The following KIRREL3 variants were observed in gnomAD, a reference collection of about 807,000 sequenced individuals.
KIRREL3 encodes kirre like nephrin family adhesion molecule 3, also known as kin of IRRE-like protein 3.
A neutral mutation model predicts 89.7 loss-of-function variants in KIRREL3; 36 were observed. The ratio of observed to expected loss-of-function variants is 0.40; its 90% CI spans 0.31 to 0.53. KIRREL3 has a LOEUF of 0.53. Among genes scored for constraint, KIRREL3 ranks in the 20% least tolerant of loss-of-function variants. KIRREL3 has a pLI of 0.49. For missense variants in KIRREL3, 864 were observed against 1,056.6 expected (o/e 0.82, Z 2.53); for synonymous variants, 445 against 441.4 (o/e 1.01, Z -0.10).
In KIRREL3 at chr11:126,812,159, C is replaced by A. The variant is rs539890711; in HGVS notation, c.55+188296G>T. Among the ~76,000 whole-genome samples the A allele has an allele frequency of 6.6e-6, 1 of 152,118 alleles. No homozygotes were observed. On this transcript the variant is annotated intron_variant, in intron 1 of 16. Transcript: ENST00000525144. The surrounding 1 kb of genome is among the most constrained non-coding windows in gnomAD (Gnocchi z 5.2). ...CTGCTTGCCATTTGCTACTATTTAA[C>A]CCATTCTTTCTATTGTGATCATAAG... is the stretch of plus-strand genomic sequence containing the variant.
At chr11:126,514,097 A>T (rs1958322966) in intron 4 of KIRREL3, among the ~76,000 whole-genome samples, 1 of 151,912 alleles carries the variant, frequency 6.6e-6, no homozygotes, top group African/African-American at 2.4e-5. Flanking sequence ...CCAGGAAGGG[A>T]GCTGGGAGCG....
Position 126,860,379 on chromosome 11 carries a change from G to C in KIRREL3, c.55+140076C>G, listed in dbSNP as rs890113901. On this transcript the variant is annotated intron_variant, in intron 1 of 16. Coordinates refer to ENST00000525144, the MANE Select transcript of KIRREL3 (RefSeq NM_032531.4). The surrounding 1 kb of genome is among the most constrained non-coding windows in gnomAD (Gnocchi z 4.6). ...GTTGCCTTTATTTATGTTTCAGGCA[G>C]AAAAGCTGGGAAAGTTATAGAAGTG... 5.3e-5 allele frequency among the ~76,000 whole-genome samples: 8 copies of C among 152,160 alleles called. No individual in the cohort carries two copies. Among genetic ancestry groups the C allele is most frequent in the African/African-American group, 1.9e-4 (8 of 41,432 alleles).
At chr11:126,599,033 T>C (rs1389021799) in intron 1 of KIRREL3, among the ~76,000 whole-genome samples, 1 of 152,202 alleles carries the variant, frequency 6.6e-6, no homozygotes, top group Middle Eastern at 3.2e-3. Context: ...TAAAGTCCCC[T>C]TGTGGGCTCC....
At chr11:126,998,264 C>G in intron 1 of KIRREL3, among the ~76,000 whole-genome samples, 1 of 152,174 alleles carries the variant, frequency 6.6e-6, no homozygotes, top group East Asian at 1.9e-4. Context: ...AAAAGATAAC[C>G]ATATCACATT....
Position 126,739,786 on chromosome 11 carries a change from G to A in KIRREL3, c.56-176874C>T, listed in dbSNP as rs1948919247. Among the ~76,000 whole-genome samples, 1 of 152,202 alleles carries A rather than the reference G, an allele frequency of 6.6e-6. No individual in the cohort carries two copies. Among genetic ancestry groups the A allele is most frequent in the Non-Finnish European group, 1.5e-5 (1 of 68,038 alleles). On this transcript the variant is annotated intron_variant, in intron 1 of 16. Transcript: ENST00000525144. This position sits in a 1 kb window ranked among gnomAD's most constrained non-coding sequence, Gnocchi z 5.5. ...ACTGCAAATCAGGCAGCATGTATCA[G>A]AGTTTAAAAACCTCAGGGAGTTTTG...
intron 1 of KIRREL3, among the ~76,000 whole-genome samples, chr11:126,713,333 G>A (rs1326459356): frequency 1.3e-5 from 2 of 152,262 alleles, no homozygotes; most frequent in African/African-American, 4.8e-5. Context: ...TAGCATCACT[G>A]AAGCAAAGCA....
At chr11:126,922,224 A>T (rs926775306) in intron 1 of KIRREL3, among the ~76,000 whole-genome samples, 2 of 151,418 alleles carry the variant, frequency 1.3e-5, no homozygotes, top group African/African-American at 2.4e-5. Flanking sequence ...GCTAACCCTA[A>T]CCTGCTTGTC....
intron 1 of KIRREL3, among the ~76,000 whole-genome samples, chr11:126,572,895 T>C (rs957635781): frequency 1.3e-5 from 2 of 152,142 alleles, no homozygotes; most frequent in African/African-American, 4.8e-5. Context: ...TTTAAAGAAT[T>C]GATCACTGGA....
In KIRREL3 at chr11:126,797,623, T is replaced by C. The variant is rs1179087777; in HGVS notation, c.55+202832A>G. On this transcript the variant is annotated intron_variant, in intron 1 of 16. Coordinates refer to ENST00000525144, the MANE Select transcript of KIRREL3 (RefSeq NM_032531.4). The surrounding 1 kb of genome is among the most constrained non-coding windows in gnomAD (Gnocchi z 4.9). Reference sequence around the variant, plus strand: ...GCCTGTGACAGCTGGGGCTGTGTGATGGGGCTTCTGATGGGGCCCTGGCAG... The same window carrying C: ...GCCTGTGACAGCTGGGGCTGTGTGACGGGGCTTCTGATGGGGCCCTGGCAG... Among the ~76,000 whole-genome samples, 1 of 152,128 alleles carries C rather than the reference T, an allele frequency of 6.6e-6. No individual in the cohort carries two copies. The highest frequency in any genetic ancestry group is 1.5e-5 in the Non-Finnish European group (1 of 68,018).
At chr11:126,436,747 A>G in intron 12 of KIRREL3, 64 bp downstream of exon 12, 1 of 1,569,244 alleles carries the variant, frequency 6.4e-7, no homozygotes, top group African/African-American at 1.3e-5. Flanking sequence ...GCCCTGACCT[A>G]GGTGAGGAGA....
At chr11:126,481,838 G>C (rs537485901) in intron 4 of KIRREL3, among the ~76,000 whole-genome samples, 40 of 152,194 alleles carry the variant, frequency 2.6e-4, no homozygotes, top group Non-Finnish European at 4.7e-4. Flanking sequence ...CACCCACCAT[G>C]TGCTGAATGT....
chr11:126,627,188 A>G lies in KIRREL3; in HGVS notation c.56-64276T>C, dbSNP rs529887500. Among the ~76,000 whole-genome samples the G allele has an allele frequency of 6.6e-6, 1 of 152,276 alleles. No individual in the cohort carries two copies. The highest frequency in any genetic ancestry group is 2.1e-4 in the South Asian group (1 of 4,824). ...ATAAGCATAAGGAGGTGGAGGTGAG[A>G]GAATTTCAGACTGAGGAACTGAAAG... is the stretch of plus-strand genomic sequence containing the variant. On this transcript the variant is annotated intron_variant, in intron 1 of 16. Transcript: ENST00000525144. The surrounding 1 kb of genome is among the most constrained non-coding windows in gnomAD (Gnocchi z 5.0).
rs568468032 is a variant in KIRREL3 at position 126,561,716 on chromosome 11, T to C, written c.133+1119A>G. ...CTGTTGGCTTCAGGCAGGCAGCAAA[T>C]GGGGGAGGTGATCACTTCCTGTGCT... On this transcript the variant is annotated intron_variant, in intron 2 of 16. Transcript: ENST00000525144. This position sits in a 1 kb window ranked among gnomAD's most constrained non-coding sequence, Gnocchi z 4.5. 2.0e-5 allele frequency among the ~76,000 whole-genome samples: 3 copies of C among 152,148 alleles called. No homozygotes were observed. The South Asian group carries it at 6.2e-4, about 32-fold the overall frequency.
In KIRREL3 at chr11:126,697,151, C is replaced by G. The variant is rs1947130766; in HGVS notation, c.56-134239G>C. Among the ~76,000 whole-genome samples, 1 of 152,186 alleles carries G rather than the reference C, an allele frequency of 6.6e-6. No homozygotes were observed. The highest frequency in any genetic ancestry group is 2.4e-5 in the African/African-American group (1 of 41,452). ...TTGCAAATGAAGGCTTAGTCACTTC[C>G]TCCGCTGGTCCCCCAGACCTGTGTT... On this transcript the variant is annotated intron_variant, in intron 1 of 16. Transcript: ENST00000525144. This position sits in a 1 kb window ranked among gnomAD's most constrained non-coding sequence, Gnocchi z 4.2.
intron 1 of KIRREL3, among the ~76,000 whole-genome samples, chr11:126,922,133 A>ATCTG (rs1357975699): frequency 1.4e-5 from 2 of 139,322 alleles, no homozygotes; most frequent in Admixed American, 1.4e-4. Flanking sequence ...CTATCTATCT[A>ATCTG]TCTATCTATC....
Position 126,474,323 on chromosome 11 carries a change from A to G in KIRREL3, c.434-857T>C, listed in dbSNP as rs1295693661. ...TCCTCACAACAGTCTGGTGAGGTCA[A>G]CATTACCACCCCAATGACACAGATC... On this transcript the variant is annotated intron_variant, in intron 4 of 16. Transcript: ENST00000525144. This position sits in a 1 kb window ranked among gnomAD's most constrained non-coding sequence, Gnocchi z 6.7. Among the ~76,000 whole-genome samples, 3 of 152,204 alleles carry G rather than the reference A, an allele frequency of 2.0e-5. No individual in the cohort carries two copies. Among genetic ancestry groups the G allele is most frequent in the Non-Finnish European group, 2.9e-5 (2 of 68,034 alleles).
rs945770526 is a variant in KIRREL3, at chr11:126,526,847, C to G, written c.134-160G>C. Reference sequence around the variant, plus strand: ...GGTCTGGTAGAGCTTCCTAACTGGTCTCAGCCCCAGCTCTATTCCCTCCTA... The same window carrying G: ...GGTCTGGTAGAGCTTCCTAACTGGTGTCAGCCCCAGCTCTATTCCCTCCTA... On this transcript the variant is annotated intron_variant, in intron 2 of 16. Coordinates refer to ENST00000525144, the MANE Select transcript of KIRREL3 (RefSeq NM_032531.4). The surrounding 1 kb of genome is among the most constrained non-coding windows in gnomAD (Gnocchi z 5.7). Among the ~76,000 whole-genome samples, 3 of 152,186 alleles carry G rather than the reference C, an allele frequency of 2.0e-5. No individual in the cohort carries two copies. The highest frequency in any genetic ancestry group is 7.2e-5 in the African/African-American group (3 of 41,438).
intron 2 of KIRREL3, among the ~76,000 whole-genome samples, chr11:126,546,811 C>T (rs966018100): frequency 6.6e-6 from 1 of 152,124 alleles, no homozygotes; most frequent in Non-Finnish European, 1.5e-5. Context: ...ATCACGCAAT[C>T]GTGATGCATA....
chr11:126,790,819 C>T (rs946497863), intron 1 of KIRREL3, among the ~76,000 whole-genome samples: 1 of 152,174 alleles, frequency 6.6e-6, no homozygotes, highest in African/African-American at 2.4e-5. Flanking sequence ...GCTCTTCCCC[C>T]ATCTCTGTCC....
Sources: allele counts gnomAD v4.1 joint callset (sites outside exome capture counted in the v4.1 genomes callset), GRCh38; gene constraint gnomAD v4.1.1; non-coding constraint Gnocchi (gnomAD v3.1); transcripts MANE v1.5; gene names NCBI Gene and HGNC (gene_info 2026-07-23, HGNC 2026-07-21).